The following ELP1 variants were observed in gnomAD, a reference collection of about 807,000 sequenced individuals.
The protein encoded by ELP1 is elongator complex protein 1.
In ELP1, 131 loss-of-function variants were observed where a neutral mutation model predicts 183.2. The observed-to-expected ratio is 0.72, with a 90% CI of 0.62 to 0.83. The LOEUF (loss-of-function observed/expected upper bound fraction) is 0.83. Among genes scored for constraint, ELP1 ranks in the 40% least tolerant of loss-of-function variants. The pLI is 0.00. For missense variants in ELP1, 1,550 were observed against 1,594.9 expected (o/e 0.97, Z 0.48); for synonymous variants, 555 against 569.0 (o/e 0.98, Z 0.35).
At chr9:108,874,395 T>C (rs1461873765) in intron 36 of ELP1, among the ~76,000 whole-genome samples, 1 of 152,192 alleles carries the variant, frequency 6.6e-6, no homozygotes, top group Non-Finnish European at 1.5e-5. Flanking sequence ...ACTTCATGCA[T>C]AACTAAACAG....
chr9:108,912,951 A>G (rs961722698), intron 10 of ELP1, among the ~76,000 whole-genome samples: 5 of 151,112 alleles, frequency 3.3e-5, no homozygotes, highest in Non-Finnish European at 5.9e-5. Context: ...TAGTAGAAAC[A>G]TGGTTTCACC....
At chr9:108,874,860 T>C (rs1275408896) in intron 36 of ELP1, 35 bp downstream of exon 36, 1 of 1,309,520 alleles carries the variant, frequency 7.6e-7, no homozygotes, top group South Asian at 1.2e-5. Context: ...TCCTTCTGCT[T>C]AGTATTGTAA....
Position 108,894,063 on chromosome 9 carries a change from G to T in ELP1, c.2740C>A (p.Pro914Thr). The change falls in exon 26 of 37, where the codon CCC becomes ACC. Residue 914 changes from proline to threonine, a missense_variant. Transcript: ENST00000374647. ...TTAAGAAATGGAAGATATTCTTTGG[G>T]ATCCTAAAAAAATGATTAATGAGAA... ...LMVAEKSQKDPKEYLPFLNTL... is the reference protein window; with the variant it reads ...LMVAEKSQKDTKEYLPFLNTL... The T allele has an allele frequency of 6.8e-7, 1 of 1,477,980 alleles. No homozygotes were observed. Among genetic ancestry groups the T allele is most frequent in the Non-Finnish European group, 9.4e-7 (1 of 1,061,144 alleles). 91.6% of individuals were successfully genotyped at this position (1,477,980 alleles called of 1,614,324 possible). A position where few individuals can be genotyped will look rare whatever the true frequency, so the allele number is the denominator to read the frequency against.
At chr9:108,872,916 A>G (rs1287685940) in intron 36 of ELP1, among the ~76,000 whole-genome samples, 1 of 151,966 alleles carries the variant, frequency 6.6e-6, no homozygotes, top group Non-Finnish European at 1.5e-5. Context: ...TTCTAGACTT[A>G]ACTTGAAATA....
chr9:108,895,105 C>T lies in ELP1; in HGVS notation c.2737-1039G>A, dbSNP rs377681719. Among the ~76,000 whole-genome samples, 8 of 152,192 alleles carry T rather than the reference C, an allele frequency of 5.3e-5. No individual in the cohort carries two copies. In the South Asian group the frequency reaches 1.7e-3, roughly 32 times the overall value. ...CAACAAAAAAAATTCAAAACTTAGC[C>T]GGGCATGGTGGTGCACGCCTGTAAG... On this transcript the variant is annotated intron_variant, in intron 25 of 36. Coordinates refer to ENST00000374647, the MANE Select transcript of ELP1 (RefSeq NM_003640.5).
rs1018202042 is a variant in ELP1, at chr9:108,879,308, T to G, written c.3572+138A>C. On this transcript the variant is annotated intron_variant, in intron 33 of 36. Transcript: ENST00000374647. ...GTCTCAGATATGCTGGGAAAGTGTC[T>G]GAACAACTTCCACACAGCGCTGAAG... 4 of 724,178 alleles carry G rather than the reference T, an allele frequency of 5.5e-6. No individual in the cohort carries two copies. In the African/African-American group the frequency reaches 7.0e-5, roughly 13 times the overall value. The allele number at this position is 724,178 out of a possible 1,614,324, so 44.9% of individuals were successfully genotyped here. A position where few individuals can be genotyped will look rare whatever the true frequency, so the allele number is the denominator to read the frequency against.
intron 29 of ELP1, among the ~76,000 whole-genome samples, chr9:108,883,695 G>A (rs1303769291): frequency 1.3e-5 from 2 of 151,928 alleles, no homozygotes; most frequent in African/African-American, 2.4e-5. Flanking sequence ...TATATATGAA[G>A]TAGTATACGA....
chr9:108,896,145 T>G (rs968648384), intron 25 of ELP1, among the ~76,000 whole-genome samples: 2 of 152,008 alleles, frequency 1.3e-5, no homozygotes, highest in Non-Finnish European at 2.9e-5. Flanking sequence ...TAGTCCCAGC[T>G]ACTAGAGAGG....
intron 4 of ELP1, 82 bp downstream of exon 4, chr9:108,927,290 A>G (rs148005731): frequency 9.4e-6 from 11 of 1,171,718 alleles, no homozygotes; most frequent in Non-Finnish European, 1.0e-5. Flanking sequence ...TTGAAATTCA[A>G]GCAGCCTAAA....
At chr9:108,914,124 G>A (rs145031051) in intron 10 of ELP1, among the ~76,000 whole-genome samples, 5 of 152,074 alleles carry the variant, frequency 3.3e-5, no homozygotes, top group African/African-American at 1.2e-4. Flanking sequence ...TACTGAGGCC[G>A]GGCACGGTGG....
At chr9:108,911,644 A>C (rs533928158) in intron 11 of ELP1, among the ~76,000 whole-genome samples, 1 of 152,360 alleles carries the variant, frequency 6.6e-6, no homozygotes, top group Non-Finnish European at 1.5e-5. Flanking sequence ...AATATGAATT[A>C]ATATACCACC....
At chr9:108,870,970 T>C (rs1037632342) in intron 36 of ELP1, among the ~76,000 whole-genome samples, 15 of 63,202 alleles carry the variant, frequency 2.4e-4, no homozygotes, top group South Asian at 6.3e-4. Context: ...TCATGCACCA[T>C]TTTTTTTTTT....
intron 1 of ELP1, among the ~76,000 whole-genome samples, chr9:108,932,399 T>A (rs751612209): frequency 6.6e-6 from 1 of 152,282 alleles, no homozygotes; most frequent in South Asian, 2.1e-4. Flanking sequence ...TGGGGTGCAA[T>A]GGCGCGATCT....
chr9:108,918,341 G>C (rs113668452), intron 8 of ELP1, among the ~76,000 whole-genome samples: 1,673 of 152,228 alleles, frequency 0.011, 19 homozygotes, highest in Non-Finnish European at 0.014. Flanking sequence ...GAAAGAGCAG[G>C]GTCTGAATCC....
chr9:108,923,365 C>A (rs750536022), intron 5 of ELP1, among the ~76,000 whole-genome samples: 25 of 144,014 alleles, frequency 1.7e-4, no homozygotes, highest in Non-Finnish European at 3.2e-4. Context: ...CACAGCGAGA[C>A]CCCCATCTCA....
intron 14 of ELP1, among the ~76,000 whole-genome samples, chr9:108,905,515 G>A (rs144687061): frequency 3.3e-5 from 5 of 152,258 alleles, no homozygotes; most frequent in African/African-American, 1.2e-4. Context: ...GAAGAATAGA[G>A]ACTTTCTAAT....
chr9:108,888,670 T>C (rs1290979993), intron 29 of ELP1, among the ~76,000 whole-genome samples: 1 of 152,196 alleles, frequency 6.6e-6, no homozygotes, highest in Non-Finnish European at 1.5e-5. Context: ...CTTACTGTTA[T>C]TACACAAGAG....
At chr9:108,921,877 T>C (rs1361752148) in intron 6 of ELP1, among the ~76,000 whole-genome samples, 31 of 152,240 alleles carry the variant, frequency 2.0e-4, no homozygotes, top group African/African-American at 2.4e-5. Flanking sequence ...GCAACTACCA[T>C]TTGAGTGCCT....
chr9:108,912,972 G>A (rs1447375002), intron 10 of ELP1, among the ~76,000 whole-genome samples: 1 of 151,586 alleles, frequency 6.6e-6, no homozygotes, highest in African/African-American at 2.4e-5. Context: ...GTGTTAGCCA[G>A]GATGGTCTTG....
Sources: allele counts gnomAD v4.1 joint callset (sites outside exome capture counted in the v4.1 genomes callset), GRCh38; gene constraint gnomAD v4.1.1; transcripts MANE v1.5; gene names NCBI Gene and HGNC (gene_info 2026-07-23, HGNC 2026-07-21).